The following FHIT variants were observed in gnomAD, a reference collection of about 807,000 sequenced individuals.
The protein encoded by FHIT is bis(5'-adenosyl)-triphosphatase.
Under a neutral mutation model 17.9 loss-of-function variants are expected in FHIT, and 19 were observed. That is an observed-to-expected ratio of 1.06 (90% CI 0.74 to 1.56). The LOEUF is 1.56. Among genes scored for constraint, FHIT ranks in the 40% most tolerant of loss-of-function variants. The pLI, the probability that FHIT is intolerant of heterozygous loss-of-function variation, is 0.00. For synonymous variants in FHIT, 81 were observed against 69.7 expected (o/e 1.16, Z -0.81); for missense variants, 248 against 189.2 (o/e 1.31, Z -1.82).
chr3:60,707,099 T>G (rs9826128), intron 4 of FHIT, among the ~76,000 whole-genome samples: 16,777 of 152,158 alleles, frequency 0.11, 1,994 homozygotes, highest in African/African-American at 0.3. Context: ...TATGACAAAA[T>G]ATTTCTGTAG....
At chr3:59,810,449 T>C (rs1700371207) in intron 8 of FHIT, among the ~76,000 whole-genome samples, 1 of 152,200 alleles carries the variant, frequency 6.6e-6, no homozygotes, top group Non-Finnish European at 1.5e-5. Context: ...CCTATCTTAA[T>C]TATGACTTAC....
At chr3:60,712,462 A>G (rs1391086380) in intron 4 of FHIT, among the ~76,000 whole-genome samples, 2 of 151,598 alleles carry the variant, frequency 1.3e-5, no homozygotes, top group Non-Finnish European at 2.9e-5. Flanking sequence ...AAATTATCCA[A>G]TTAAAAGACA....
chr3:59,992,665 T>C (rs1699334826), intron 7 of FHIT, among the ~76,000 whole-genome samples: 1 of 152,102 alleles, frequency 6.6e-6, no homozygotes, highest in South Asian at 2.1e-4. Context: ...AGATCCTGCT[T>C]TGTGCCTCCT....
intron 7 of FHIT, among the ~76,000 whole-genome samples, chr3:59,991,373 G>T (rs913084354): frequency 6.6e-6 from 1 of 152,014 alleles, no homozygotes; most frequent in Non-Finnish European, 1.5e-5. Flanking sequence ...TGCTGTGTGT[G>T]TTTGACTTGT....
intron 4 of FHIT, among the ~76,000 whole-genome samples, chr3:60,819,941 T>C (rs76723115): frequency 0.01 from 1,586 of 152,274 alleles, 33 homozygotes; most frequent in African/African-American, 0.036. Flanking sequence ...GTCCTTTTTG[T>C]CAGTAATTAT....
At chr3:61,028,085 T>C (rs1366904764) in intron 3 of FHIT, among the ~76,000 whole-genome samples, 2 of 152,316 alleles carry the variant, frequency 1.3e-5, no homozygotes, top group African/African-American at 2.4e-5. Context: ...GGGTTATAAA[T>C]GGTTTTAGCT....
intron 5 of FHIT, among the ~76,000 whole-genome samples, chr3:60,150,146 GC>G (rs141139702): frequency 6.6e-6 from 1 of 151,162 alleles, no homozygotes; most frequent in African/African-American, 2.4e-5. Context: ...ACAGGCATGC[GC>G]CCCCCACGCC....
chr3:60,986,522 G>C (rs1710726320), intron 3 of FHIT, among the ~76,000 whole-genome samples: 2 of 152,172 alleles, frequency 1.3e-5, no homozygotes, highest in Admixed American at 6.5e-5. Context: ...TTGGTTAATA[G>C]GATTATCTGG....
chr3:60,650,623 A>C (rs2039968360), intron 4 of FHIT, among the ~76,000 whole-genome samples: 1 of 152,220 alleles, frequency 6.6e-6, no homozygotes, highest in South Asian at 2.1e-4. Context: ...GCTTTTCCAA[A>C]TGCATGAGAA....
intron 5 of FHIT, among the ~76,000 whole-genome samples, chr3:60,447,453 T>C (rs978068125): frequency 2.0e-5 from 3 of 152,318 alleles, no homozygotes; most frequent in Non-Finnish European, 2.9e-5. Flanking sequence ...ACACATATTC[T>C]ATTCCAAACA....
rs1704738725 is a variant in FHIT, at chr3:60,112,868, G to A, written c.104-98716C>T. ...GAAAAAAATCTCTTTCCTGGCTATG[G>A]CATAGAAGGCCTTCCTTTACTCCTT... On this transcript the variant is annotated intron_variant, in intron 5 of 9. Transcript: ENST00000492590. 2.0e-5 allele frequency among the ~76,000 whole-genome samples: 3 copies of A among 152,144 alleles called. No homozygotes were observed. In the South Asian group the frequency reaches 6.2e-4, roughly 32 times the overall value.
chr3:60,987,280 A>T (rs887826374), intron 3 of FHIT, among the ~76,000 whole-genome samples: 4 of 152,236 alleles, frequency 2.6e-5, no homozygotes, highest in Non-Finnish European at 5.9e-5. Flanking sequence ...AAATCTCTGC[A>T]GCACTGTAAC....
chr3:61,219,736 A>T (rs1445563899), intron 1 of FHIT, among the ~76,000 whole-genome samples: 1 of 152,252 alleles, frequency 6.6e-6, no homozygotes, highest in African/African-American at 2.4e-5. Context: ...AGTACAGGCC[A>T]GTAACACACT....
intron 4 of FHIT, among the ~76,000 whole-genome samples, chr3:60,564,683 G>C (rs2037070037): frequency 6.6e-6 from 1 of 152,172 alleles, no homozygotes; most frequent in African/African-American, 2.4e-5. Flanking sequence ...AAAGCCTGAA[G>C]ACGTGACTGT....
At chr3:60,151,060 T>C (rs1050503424) in intron 5 of FHIT, among the ~76,000 whole-genome samples, 6 of 152,204 alleles carry the variant, frequency 3.9e-5, no homozygotes, top group African/African-American at 4.8e-5. Context: ...GTTGGATGGA[T>C]TTGCACTGGC....
In FHIT at chr3:60,548,828, T is replaced by A. The variant is rs1576855530; in HGVS notation, c.-17-11849A>T. Among the ~76,000 whole-genome samples, 3 of 152,304 alleles carry A rather than the reference T, an allele frequency of 2.0e-5. No homozygotes were observed. In the Middle Eastern group the frequency reaches 0.01, roughly 518 times the overall value. ...TATTAAGATCAACTTGAGAACTTTC[T>A]CAAAAAACAAATTCCTATACTTCAT... On this transcript the variant is annotated intron_variant, in intron 4 of 9. Transcript: ENST00000492590.
At chr3:59,991,859 G>A (rs1699283012) in intron 7 of FHIT, among the ~76,000 whole-genome samples, 1 of 152,030 alleles carries the variant, frequency 6.6e-6, no homozygotes, top group Non-Finnish European at 1.5e-5. Flanking sequence ...CAGAGGGAGA[G>A]AGAAACACAG....
chr3:61,019,112 T>G (rs2032269251), intron 3 of FHIT, among the ~76,000 whole-genome samples: 1 of 150,828 alleles, frequency 6.6e-6, no homozygotes, highest in Non-Finnish European at 1.5e-5. Context: ...GGAGAAATCT[T>G]TCTTAGAAGG....
rs879293755 is a variant in FHIT, at chr3:60,101,739, A to G, written c.104-87587T>C. Among the ~76,000 whole-genome samples, 125 of 152,322 alleles carry G rather than the reference A, an allele frequency of 8.2e-4. 6 individuals are homozygous for G. The highest frequency in any genetic ancestry group is 3.7e-4 in the Non-Finnish European group (25 of 68,040). ...CAGTATCTGTGCAATGAATAAATTA[A>G]CGAATGCCAAGTTCCATCACATTCC... On this transcript the variant is annotated intron_variant, in intron 5 of 9. Coordinates refer to ENST00000492590, the MANE Select transcript of FHIT (RefSeq NM_002012.4).
Sources: allele counts gnomAD v4.1 joint callset (sites outside exome capture counted in the v4.1 genomes callset), GRCh38; gene constraint gnomAD v4.1.1; transcripts MANE v1.5; gene names NCBI Gene and HGNC (gene_info 2026-07-23, HGNC 2026-07-21).